Variants in COG7 observed in about 807,000 individuals in gnomAD.
COG7 encodes the protein conserved oligomeric Golgi complex subunit 7.
Under a neutral mutation model 91.5 loss-of-function variants are expected in COG7, and 49 were observed. The observed-to-expected ratio is 0.54, with a 90% CI of 0.43 to 0.68. The LOEUF (loss-of-function observed/expected upper bound fraction) is 0.68, where lower values mean the gene tolerates loss of function less well. COG7 is among the 30% of genes least tolerant of loss of function. The pLI, the probability that COG7 is intolerant of heterozygous loss-of-function variation, is 0.00. For missense variants in COG7, 895 were observed against 961.3 expected (o/e 0.93, Z 0.91); for synonymous variants, 365 against 388.7 (o/e 0.94, Z 0.72).
chr16:23,400,438 A>G (rs778608374), intron 13 of COG7, among the ~76,000 whole-genome samples: 2 of 152,096 alleles, frequency 1.3e-5, no homozygotes, highest in African/African-American at 2.4e-5. Flanking sequence ...GTGTGGGGAG[A>G]AGCAACGGCT....
Position 23,453,072 on chromosome 16 carries a change from G to A in COG7, c.-78C>T. ...GCAACGGGGATGCAGAAGCGAGCGA[G>A]CCTGCGAGAGCACCGAGGCTAGCCT... On this transcript the variant is annotated 5_prime_UTR_variant, in exon 1 of 17. Coordinates refer to ENST00000307149, the MANE Select transcript of COG7 (RefSeq NM_153603.4). 2 of 1,597,450 alleles carry A rather than the reference G, an allele frequency of 1.3e-6. No homozygotes were observed. Among genetic ancestry groups the A allele is most frequent in the Middle Eastern group, 1.8e-4 (1 of 5,602 alleles).
intron 11 of COG7, among the ~76,000 whole-genome samples, chr16:23,409,115 G>C (rs1464675624): frequency 6.6e-6 from 1 of 151,402 alleles, no homozygotes; most frequent in East Asian, 1.9e-4. Flanking sequence ...GTGTGTGTGT[G>C]TATGTGGCAG....
chr16:23,433,006 G>T (rs1963957240), intron 6 of COG7, among the ~76,000 whole-genome samples: 2 of 152,184 alleles, frequency 1.3e-5, no homozygotes, highest in South Asian at 2.1e-4. Flanking sequence ...GATAAGAGTG[G>T]TAAGAAGAGT....
intron 1 of COG7, among the ~76,000 whole-genome samples, chr16:23,450,446 C>T (rs772574413): frequency 6.6e-6 from 1 of 152,140 alleles, no homozygotes; most frequent in East Asian, 1.9e-4. Context: ...GCAGCAAGCT[C>T]GAGCAAGATA....
chr16:23,399,076 T>G (rs75442531), intron 13 of COG7, among the ~76,000 whole-genome samples: 1 of 152,314 alleles, frequency 6.6e-6, no homozygotes, highest in East Asian at 1.9e-4. Context: ...ATGTAGGAAC[T>G]GCTGTCTGCA....
intron 4 of COG7, among the ~76,000 whole-genome samples, chr16:23,436,837 T>G (rs1188756949): frequency 6.6e-6 from 1 of 152,220 alleles, no homozygotes; most frequent in Non-Finnish European, 1.5e-5. Flanking sequence ...CCCTTCCTGA[T>G]GCTTGCCAAA....
At position 23,413,400 on chromosome 16, in the gene COG7, T is replaced by A. The variant is rs752853978; in HGVS notation, c.1409+48A>T. The A allele has an allele frequency of 1.5e-5, 15 of 983,800 alleles. 2 individuals are homozygous for A. The South Asian group carries it at 1.9e-4, about 13-fold the overall frequency. 60.9% of individuals were successfully genotyped at this position (983,800 alleles called of 1,614,324 possible). On this transcript the variant is annotated intron_variant, in intron 10 of 16. Transcript: ENST00000307149. ...TTTTATATACTATATCATGCATGTTTATGCTGGCTACATTAGGAACAAGCT... is the reference window on the plus strand; with the variant it reads ...TTTTATATACTATATCATGCATGTTAATGCTGGCTACATTAGGAACAAGCT...
At chr16:23,451,022 C>A (rs1220043550) in intron 1 of COG7, among the ~76,000 whole-genome samples, 1 of 151,974 alleles carries the variant, frequency 6.6e-6, no homozygotes, top group Non-Finnish European at 1.5e-5. Context: ...CATGAAACCC[C>A]ATCTCTACTA....
intron 7 of COG7, among the ~76,000 whole-genome samples, chr16:23,420,553 T>C (rs1369631705): frequency 6.6e-6 from 1 of 152,168 alleles, no homozygotes; most frequent in African/African-American, 2.4e-5. Context: ...ACCGGCTTCG[T>C]CCCTTCCCCT....
intron 1 of COG7, among the ~76,000 whole-genome samples, chr16:23,448,109 A>T (rs1567349663): frequency 1.3e-5 from 2 of 152,054 alleles, no homozygotes; most frequent in Non-Finnish European, 2.9e-5. Flanking sequence ...GAACGGCTAC[A>T]ATCACCCTTC....
intron 10 of COG7, among the ~76,000 whole-genome samples, chr16:23,411,704 C>A (rs1318769571): frequency 6.6e-6 from 1 of 152,144 alleles, no homozygotes; most frequent in African/African-American, 2.4e-5. Context: ...TACCCAACGG[C>A]CTTGGGTGGG....
chr16:23,442,482 G>A lies in COG7; in HGVS notation c.599C>T (p.Ala200Val), dbSNP rs1332162103. 6.2e-7 allele frequency: 1 copy of A among 1,613,766 alleles called. No individual in the cohort carries two copies. Among genetic ancestry groups the A allele is most frequent in the South Asian group, 1.1e-5 (1 of 91,076 alleles). The change falls in exon 4 of 17, where the codon GCT (alanine) becomes GTT (valine). Residue 200 changes from alanine (A) to valine (V), a missense_variant. Coordinates refer to ENST00000307149, the MANE Select transcript of COG7 (RefSeq NM_153603.4). ...PQIVAAFTSQ[A>V]VDQSKVFVKV... ...GAGAAGCAGCTAGCACTCACCTACA[G>A]CCTGAGAGGTGAATGCCGCTACAAT...
intron 11 of COG7, among the ~76,000 whole-genome samples, chr16:23,408,455 G>C (rs1210844407): frequency 6.9e-6 from 1 of 144,782 alleles, no homozygotes; most frequent in Non-Finnish European, 1.5e-5. Context: ...CGAGTGGCGG[G>C]GGGAGGTGGG....
Position 23,410,344 on chromosome 16 carries a change from C to T in COG7, c.1426G>A (p.Gly476Arg). 6.2e-7 allele frequency: 1 copy of T among 1,614,058 alleles called. No individual in the cohort carries two copies. The highest frequency in any genetic ancestry group is 8.5e-7 in the Non-Finnish European group (1 of 1,179,986). The change falls in exon 11 of 17, where the codon GGA becomes AGA. Residue 476 changes from glycine to arginine, a missense_variant. Gly to Arg is a moderately radical substitution (Grantham distance 125). Transcript: ENST00000307149. Reference protein sequence around the residue: ...QNSIRIIATCGELLRHCGDFE... With the variant: ...QNSIRIIATCRELLRHCGDFE... ...TCCCCACAATGCCGCAAAAGCTCTCCACAGGTGGCTATTATCCTAAACAAA... is the reference window on the plus strand; with the variant it reads ...TCCCCACAATGCCGCAAAAGCTCTCTACAGGTGGCTATTATCCTAAACAAA...
chr16:23,433,513 C>T, intron 6 of COG7, 32 bp downstream of exon 6: 1 of 1,613,768 alleles, frequency 6.2e-7, no homozygotes, highest in South Asian at 1.1e-5. Context: ...ACCACAGACT[C>T]TGTTCTCCCT....
chr16:23,452,471 G>A (rs1430223144), intron 1 of COG7, among the ~76,000 whole-genome samples: 1 of 152,196 alleles, frequency 6.6e-6, no homozygotes, highest in African/African-American at 2.4e-5. Context: ...GACTCGAGAG[G>A]CGAGAGGATC....
rs918962907 is a variant in COG7, at chr16:23,439,236, G to A, written c.604+3241C>T. Among the ~76,000 whole-genome samples the A allele has an allele frequency of 2.3e-5, 3 of 131,102 alleles. No individual in the cohort carries two copies. In the Admixed American group the frequency reaches 2.6e-4, roughly 11 times the overall value. 86.0% of individuals were successfully genotyped at this position (131,102 alleles called of 152,430 possible). A position where few individuals can be genotyped will look rare whatever the true frequency, so the allele number is the denominator to read the frequency against. On this transcript the variant is annotated intron_variant, in intron 4 of 16. Transcript: ENST00000307149. The stretch of plus-strand genomic sequence containing the variant: ...GAGTAGATCCCTAAAGGAATTGAAA[G>A]CTGGAACTCAAACAGACAGATCATG...
chr16:23,399,570 T>C lies in COG7; in HGVS notation c.1804-1441A>G, dbSNP rs571119184. 2.0e-5 allele frequency among the ~76,000 whole-genome samples: 3 copies of C among 151,964 alleles called. No homozygotes were observed. The South Asian group carries it at 6.2e-4, about 32-fold the overall frequency. On this transcript the variant is annotated intron_variant, in intron 13 of 16. Coordinates refer to ENST00000307149, the MANE Select transcript of COG7 (RefSeq NM_153603.4). ...CACCCCCACACCTCCTATCCTGTTC[T>C]GGCCCCTCCCCTCTCCCCCCTGCAG...
At chr16:23,413,623 A>T in intron 9 of COG7, 59 bp from the exon 10 acceptor site, 1 of 929,500 alleles carries the variant, frequency 1.1e-6, no homozygotes, top group Non-Finnish European at 1.8e-6. Context: ...AACTCTAAAG[A>T]GACCTGGAAT....
Sources: allele counts gnomAD v4.1 joint callset (sites outside exome capture counted in the v4.1 genomes callset), GRCh38; gene constraint gnomAD v4.1.1; transcripts MANE v1.5; gene names NCBI Gene and HGNC (gene_info 2026-07-23, HGNC 2026-07-21).